The following RBPMS2 variants were observed in gnomAD, a reference collection of about 807,000 sequenced individuals.
The protein encoded by RBPMS2 is RNA binding protein, mRNA processing factor 2, also known as RNA-binding protein with multiple splicing 2.
A neutral mutation model predicts 25.7 loss-of-function variants in RBPMS2; 14 were observed. The observed-to-expected ratio is 0.55, with a 90% CI of 0.36 to 0.85. The LOEUF is 0.85. RBPMS2 is among the 40% of genes least tolerant of loss of function. The pLI is 0.01. For missense variants in RBPMS2, 252 were observed against 283.4 expected, an observed-to-expected ratio of 0.89 and a Z score of 0.80; for synonymous variants, 127 against 115.6, an observed-to-expected ratio of 1.10 and a Z score of -0.63.
chr15:64,752,654 G>A (rs1441442390), intron 1 of RBPMS2, among the ~76,000 whole-genome samples: 4 of 150,704 alleles, frequency 2.7e-5, no homozygotes, highest in African/African-American at 7.3e-5. Context: ...GCTGTCACCC[G>A]GACTGGAGTG....
chr15:64,745,403 C>A (rs1275357607), intron 6 of RBPMS2, among the ~76,000 whole-genome samples: 1 of 152,122 alleles, frequency 6.6e-6, no homozygotes. Flanking sequence ...TTAATCCTCA[C>A]AAAAACCCTA....
chr15:64,747,522 A>C (rs1009885195), intron 6 of RBPMS2, among the ~76,000 whole-genome samples: 4 of 152,038 alleles, frequency 2.6e-5, no homozygotes, highest in African/African-American at 9.7e-5. Context: ...TGGCTGGTCA[A>C]AGGTTGAGGT....
chr15:64,745,721 G>T (rs932862283), intron 6 of RBPMS2, among the ~76,000 whole-genome samples: 1 of 152,156 alleles, frequency 6.6e-6, no homozygotes, highest in Non-Finnish European at 1.5e-5. Context: ...CTATCAAGAG[G>T]GTTAGAAGGC....
chr15:64,765,308 G>T (rs1159571330), intron 1 of RBPMS2, among the ~76,000 whole-genome samples: 1 of 150,428 alleles, frequency 6.6e-6, no homozygotes, highest in African/African-American at 2.4e-5. Flanking sequence ...CCAGCTACTC[G>T]GGAGGCTGAG....
rs1386497946 is a variant in RBPMS2, at chr15:64,775,216, CG to C, written c.87+16del. 4.0e-6 allele frequency: 5 copies of C among 1,239,670 alleles called. No individual in the cohort carries two copies. Among genetic ancestry groups the C allele is most frequent in the East Asian group, 3.4e-5 (1 of 29,064 alleles). 76.8% of individuals were successfully genotyped at this position (1,239,670 alleles called of 1,614,324 possible). On this transcript the variant is annotated intron_variant, in intron 1 of 7. Transcript: ENST00000300069. ...GGCGTGCGCTTCACCCGGCAAGTCC[CG>C]GGGCCACAGACCCACCTCCTCCTCC...
At chr15:64,755,718 G>C (rs1024883404) in intron 1 of RBPMS2, among the ~76,000 whole-genome samples, 5 of 152,136 alleles carry the variant, frequency 3.3e-5, no homozygotes, top group Non-Finnish European at 5.9e-5. Context: ...CAGAAAAAGG[G>C]GAAACTGGCA....
chr15:64,752,772 A>G (rs1227753893), intron 1 of RBPMS2, among the ~76,000 whole-genome samples: 1 of 152,088 alleles, frequency 6.6e-6, no homozygotes, highest in African/African-American at 2.4e-5. Flanking sequence ...CACCATGCCC[A>G]GCTAATTCTT....
intron 1 of RBPMS2, among the ~76,000 whole-genome samples, chr15:64,754,127 G>A (rs1326738393): frequency 1.3e-5 from 2 of 151,428 alleles, no homozygotes; most frequent in African/African-American, 4.9e-5. Flanking sequence ...CCTGGCCGAC[G>A]TGGTAAAACC....
chr15:64,753,094 T>C (rs575431220), intron 1 of RBPMS2, among the ~76,000 whole-genome samples: 1 of 152,082 alleles, frequency 6.6e-6, no homozygotes, highest in Admixed American at 6.5e-5. Context: ...ATAGCTTAGA[T>C]CCATTCAAAA....
Position 64,775,353 on chromosome 15 carries a change from A to T in RBPMS2, c.-34T>A. On this transcript the variant is annotated 5_prime_UTR_variant, in exon 1 of 8. Transcript: ENST00000300069. ...GGAGGGGGCGGCGGGAAGGAACGCGAGGGCGAGCGCGGCGCCGGCCCCGCG... is the reference window on the plus strand; with the variant it reads ...GGAGGGGGCGGCGGGAAGGAACGCGTGGGCGAGCGCGGCGCCGGCCCCGCG... 8.4e-7 allele frequency: 1 copy of T among 1,186,710 alleles called. No individual in the cohort carries two copies. The highest frequency in any genetic ancestry group is 1.1e-6 in the Non-Finnish European group (1 of 946,714). 73.5% of individuals were successfully genotyped at this position (1,186,710 alleles called of 1,614,324 possible).
intron 1 of RBPMS2, among the ~76,000 whole-genome samples, chr15:64,768,378 A>C (rs555455574): frequency 6.6e-6 from 1 of 152,088 alleles, no homozygotes; most frequent in Admixed American, 6.6e-5. Flanking sequence ...AGTGACTCAA[A>C]CCTATAACCC....
At chr15:64,769,433 A>G (rs1296901969) in intron 1 of RBPMS2, among the ~76,000 whole-genome samples, 2 of 149,144 alleles carry the variant, frequency 1.3e-5, no homozygotes, top group African/African-American at 2.5e-5. Context: ...TCAAAAAAAA[A>G]AAAAAAAAGA....
At chr15:64,749,267 G>T in intron 4 of RBPMS2, 117 bp from the exon 5 acceptor site, 1 of 1,384,558 alleles carries the variant, frequency 7.2e-7, no homozygotes, top group Non-Finnish European at 1.0e-6. Flanking sequence ...CCCACACGGT[G>T]GCTGAGGCAG....
intron 1 of RBPMS2, among the ~76,000 whole-genome samples, chr15:64,757,643 A>G (rs1245717766): frequency 6.6e-6 from 1 of 152,232 alleles, no homozygotes; most frequent in Non-Finnish European, 1.5e-5. Flanking sequence ...AGGATCTTTC[A>G]GCAATGGCAG....
chr15:64,748,456 G>C lies in RBPMS2; in HGVS notation c.530C>G (p.Pro177Arg). Residue 177 changes from proline to arginine, a missense_variant, in exon 6 of 8, where the codon CCA becomes CGA. Coordinates refer to ENST00000300069, the MANE Select transcript of RBPMS2 (RefSeq NM_194272.3). ...GGCGGCGGCAGCGGCAGTGGCAGTT[G>C]GGTAGGTGAACGCAGCATGGGAGAT... is the stretch of plus-strand genomic sequence containing the variant. ...PAISHAAFTY[P>R]TATAAAAALH... The C allele has an allele frequency of 3.1e-6, 5 of 1,614,106 alleles. No individual in the cohort carries two copies. The highest frequency in any genetic ancestry group is 4.2e-6 in the Non-Finnish European group (5 of 1,180,008).
Position 64,749,503 on chromosome 15 carries a change from AAAAG to A in RBPMS2, c.205-14_205-11del, listed in dbSNP as rs759976860. ...TCACAAAACCAACAGGCTAGTAGGA[AAAAG>A]AGAGAACACCCTTATATCTCTCCTA... On this transcript the variant is annotated splice_polypyrimidine_tract_variant and intron_variant, in intron 3 of 7. Coordinates refer to ENST00000300069, the MANE Select transcript of RBPMS2 (RefSeq NM_194272.3). 4.4e-6 allele frequency: 7 copies of A among 1,602,962 alleles called. No homozygotes were observed. The Admixed American group carries it at 1.2e-4, about 27-fold the overall frequency.
intron 6 of RBPMS2, among the ~76,000 whole-genome samples, chr15:64,742,368 G>A (rs565725942): frequency 6.6e-6 from 1 of 152,192 alleles, no homozygotes; most frequent in South Asian, 2.1e-4. Context: ...ACGTCAGGTG[G>A]GCGGCAGCTA....
chr15:64,775,304 G>A lies in RBPMS2; in HGVS notation c.16C>T (p.Pro6Ser), dbSNP rs950662583. ...GTGCTGCCGCCGTGCTCGCCGTCCG[G>A]CTTCAGGTTGCTCATGGTGCGGGGG... is the stretch of plus-strand genomic sequence containing the variant. Reference protein sequence around the residue: MSNLKPDGEHGGSTGT... With the variant: MSNLKSDGEHGGSTGT... The change falls in exon 1 of 8, where the codon CCG becomes TCG. Residue 6 changes from proline to serine, a missense_variant. Pro to Ser is a moderately conservative substitution (Grantham distance 74). Coordinates refer to ENST00000300069, the MANE Select transcript of RBPMS2 (RefSeq NM_194272.3). 1.5e-6 allele frequency: 2 copies of A among 1,347,048 alleles called. No individual in the cohort carries two copies. Among genetic ancestry groups the A allele is most frequent in the African/African-American group, 3.1e-5 (2 of 65,562 alleles). 83.4% of individuals were successfully genotyped at this position (1,347,048 alleles called of 1,614,324 possible). A position where few individuals can be genotyped will look rare whatever the true frequency, so the allele number is the denominator to read the frequency against.
chr15:64,750,303 G>T (rs201184216), intron 3 of RBPMS2, 40 bp downstream of exon 3: 17 of 1,587,058 alleles, frequency 1.1e-5, no homozygotes, highest in Non-Finnish European at 1.3e-5. Flanking sequence ...TCAGCAGCCG[G>T]TCTGGGCTGG....
Sources: allele counts gnomAD v4.1 joint callset (sites outside exome capture counted in the v4.1 genomes callset), GRCh38; gene constraint gnomAD v4.1.1; transcripts MANE v1.5; gene names NCBI Gene and HGNC (gene_info 2026-07-23, HGNC 2026-07-21).